GBE1: variants seen among roughly 807,000 people sequenced by gnomAD.
The protein encoded by GBE1 is 1,4-alpha-glucan branching enzyme 1.
A neutral mutation model predicts 88.8 loss-of-function variants in GBE1; 70 were observed. That is an observed-to-expected ratio of 0.79 (90% CI 0.65 to 0.96). The LOEUF is 0.96. GBE1 is among the 40% of genes least tolerant of loss of function. The probability of loss-of-function intolerance (pLI) is 0.00; values close to 1 mark genes in which losing one functional copy is unlikely to be tolerated. For missense variants in GBE1, 872 were observed against 871.0 expected (o/e 1.00, Z -0.01); for synonymous variants, 284 against 300.1 (o/e 0.95, Z 0.56).
intron 13 of GBE1, 97 bp from the exon 14 acceptor site, chr3:81,535,422 C>A: frequency 1.8e-6 from 2 of 1,129,592 alleles, no homozygotes; most frequent in South Asian, 1.6e-5. Flanking sequence ...GTTATTAAAC[C>A]AAAAATGAGT....
At chr3:81,527,827 G>A (rs561564158) in intron 14 of GBE1, among the ~76,000 whole-genome samples, 2 of 152,184 alleles carry the variant, frequency 1.3e-5, no homozygotes, top group Admixed American at 1.3e-4. Flanking sequence ...CAGGCATCTA[G>A]AATGAGAAAT....
At chr3:81,672,805 C>T (rs530936025) in intron 2 of GBE1, among the ~76,000 whole-genome samples, 15 of 151,926 alleles carry the variant, frequency 9.9e-5, no homozygotes, top group South Asian at 4.1e-4. Context: ...TATACTGGGT[C>T]GCTAAGACAT....
intron 14 of GBE1, among the ~76,000 whole-genome samples, chr3:81,519,124 C>A (rs1702837703): frequency 6.6e-6 from 1 of 151,712 alleles, no homozygotes; most frequent in African/African-American, 2.4e-5. Flanking sequence ...CTTCTGTAAA[C>A]CAAGCAACTC....
rs1702912235 is a variant in GBE1, at chr3:81,524,211, C to T, written c.1934+10984G>A. On this transcript the variant is annotated intron_variant, in intron 14 of 15. Transcript: ENST00000429644. ...TTATTTTAACTGGGGTGAGATTTCT[C>T]ATTGTAGGTTTGATTTGCATTTCTT... Among the ~76,000 whole-genome samples, 3 of 151,908 alleles carry T rather than the reference C, an allele frequency of 2.0e-5. No individual in the cohort carries two copies. The South Asian group carries it at 6.2e-4, about 32-fold the overall frequency.
intron 7 of GBE1, among the ~76,000 whole-genome samples, chr3:81,631,300 A>G (rs1276105074): frequency 6.6e-6 from 1 of 152,200 alleles, no homozygotes; most frequent in African/African-American, 2.4e-5. Flanking sequence ...TGGCACCTGG[A>G]CACTTAAAAC....
chr3:81,629,717 TTTA>T (rs963603978), intron 7 of GBE1, among the ~76,000 whole-genome samples: 1 of 151,784 alleles, frequency 6.6e-6, no homozygotes, highest in Non-Finnish European at 1.5e-5. Context: ...TTATATATTT[TTTA>T]TTATTATTAT....
chr3:81,633,347 G>A (rs1379500847), intron 7 of GBE1, among the ~76,000 whole-genome samples: 2 of 152,056 alleles, frequency 1.3e-5, no homozygotes, highest in East Asian at 3.9e-4. Flanking sequence ...TTTACAGAGG[G>A]GGAAATTAAA....
At chr3:81,637,853 T>C (rs1246202618) in intron 7 of GBE1, among the ~76,000 whole-genome samples, 1 of 152,132 alleles carries the variant, frequency 6.6e-6, no homozygotes, top group Non-Finnish European at 1.5e-5. Context: ...TGTAATATCA[T>C]ATATAATTAA....
chr3:81,536,368 C>T (rs1391709841), intron 13 of GBE1, among the ~76,000 whole-genome samples: 2 of 151,844 alleles, frequency 1.3e-5, no homozygotes, highest in South Asian at 2.1e-4. Flanking sequence ...TTGTTAATTA[C>T]ATTTTCTAAA....
chr3:81,551,220 T>G (rs1703268771), intron 12 of GBE1, among the ~76,000 whole-genome samples: 2 of 152,332 alleles, frequency 1.3e-5, no homozygotes, highest in South Asian at 4.1e-4. Flanking sequence ...GATAACATGC[T>G]TAATTGCTTA....
intron 2 of GBE1, among the ~76,000 whole-genome samples, chr3:81,676,328 G>A (rs1468140022): frequency 6.6e-6 from 1 of 151,970 alleles, no homozygotes; most frequent in Non-Finnish European, 1.5e-5. Flanking sequence ...ATACTCTTAT[G>A]CTTGTCTAGT....
intron 12 of GBE1, among the ~76,000 whole-genome samples, chr3:81,559,822 C>G (rs563676260): frequency 3.9e-5 from 6 of 151,928 alleles, no homozygotes; most frequent in Non-Finnish European, 8.8e-5. Context: ...TCAGAAAAGT[C>G]TGCTCCAAAA....
chr3:81,695,738 T>C (rs753800811), intron 2 of GBE1, among the ~76,000 whole-genome samples: 6 of 152,166 alleles, frequency 3.9e-5, no homozygotes, highest in Non-Finnish European at 7.3e-5. Flanking sequence ...CTTCAAGATT[T>C]GGGTTAAAAC....
chr3:81,573,363 T>C (rs1703600017), intron 12 of GBE1, among the ~76,000 whole-genome samples: 1 of 152,220 alleles, frequency 6.6e-6, no homozygotes, highest in Non-Finnish European at 1.5e-5. Context: ...AACTTTCCTG[T>C]GGCTTCCTAT....
intron 1 of GBE1, among the ~76,000 whole-genome samples, chr3:81,754,624 A>G (rs1365202567): frequency 6.6e-6 from 1 of 152,150 alleles, no homozygotes; most frequent in Non-Finnish European, 1.5e-5. Flanking sequence ...GCATAAAAAC[A>G]GACACATAGA....
chr3:81,668,984 A>C, intron 3 of GBE1, among the ~76,000 whole-genome samples: 1 of 152,208 alleles, frequency 6.6e-6, no homozygotes, highest in East Asian at 1.9e-4. Context: ...TTCCCTATGC[A>C]TATTACAGTA....
intron 7 of GBE1, chr3:81,612,458 G>A (rs539325633): frequency 2.0e-6 from 2 of 996,474 alleles, no homozygotes; most frequent in African/African-American, 1.6e-5. Flanking sequence ...CCTGTAACCT[G>A]ATTTAATATC....
At chr3:81,670,031 C>A (rs1429993180) in intron 3 of GBE1, among the ~76,000 whole-genome samples, 4 of 152,072 alleles carry the variant, frequency 2.6e-5, no homozygotes, top group Non-Finnish European at 4.4e-5. Flanking sequence ...TGGTAAATGT[C>A]TAAGGAAGGA....
At chr3:81,732,128 T>C (rs1402407268) in intron 1 of GBE1, among the ~76,000 whole-genome samples, 1 of 152,158 alleles carries the variant, frequency 6.6e-6, no homozygotes, top group Non-Finnish European at 1.5e-5. Context: ...GTCTGACATA[T>C]ACTAAGCATT....
Sources: gnomAD v4.1 joint callset for allele counts (sites outside exome capture counted in the v4.1 genomes callset) on GRCh38, gnomAD v4.1.1 for gene constraint, MANE v1.5 for transcripts, NCBI Gene and HGNC (gene_info 2026-07-23, HGNC 2026-07-21) for gene names.